CRIM1: variants seen among roughly 807,000 people sequenced by gnomAD.
CRIM1 encodes the protein cysteine rich transmembrane BMP regulator 1.
CRIM1 carries 32 observed loss-of-function variants against 116.4 expected under a neutral mutation model. The ratio of observed to expected loss-of-function variants is 0.27; its 90% CI spans 0.21 to 0.37. The LOEUF (loss-of-function observed/expected upper bound fraction) is 0.37, where lower values mean the gene tolerates loss of function less well. CRIM1 is among the 10% of genes least tolerant of loss of function. The pLI is 1.00. For missense variants in CRIM1, 1,331 were observed against 1,354.8 expected, an observed-to-expected ratio of 0.98 and a Z score of 0.28; for synonymous variants, 590 against 509.2, an observed-to-expected ratio of 1.16 and a Z score of -2.13.
chr2:36,373,554 A>G (rs1278405095), intron 1 of CRIM1, among the ~76,000 whole-genome samples: 1 of 152,166 alleles, frequency 6.6e-6, no homozygotes. Flanking sequence ...AAAAGGTCAC[A>G]TTTGTTTGTG....
At chr2:36,434,252 A>G (rs900583204) in intron 2 of CRIM1, among the ~76,000 whole-genome samples, 11 of 152,244 alleles carry the variant, frequency 7.2e-5, no homozygotes, top group African/African-American at 2.4e-4. Flanking sequence ...CTCTAAGGCC[A>G]AGGAACAAGT....
At chr2:36,539,752 A>G (rs1344525615) in intron 14 of CRIM1, among the ~76,000 whole-genome samples, 3 of 152,176 alleles carry the variant, frequency 2.0e-5, no homozygotes, top group African/African-American at 7.2e-5. Context: ...GTGGAAGAGG[A>G]GCCAAGGATG....
At chr2:36,378,255 G>A in intron 1 of CRIM1, 1 of 468,850 alleles carries the variant, frequency 2.1e-6, no homozygotes, top group South Asian at 1.6e-5. Flanking sequence ...GTAATTGATG[G>A]GATATTTTTC....
rs575486343 is a variant in CRIM1 at position 36,472,980 on chromosome 2, G to A, written c.992-3909G>A. On this transcript the variant is annotated intron_variant, in intron 5 of 16. Transcript: ENST00000280527. ...GTATCCATGTAGCACTAAGGAAGGAGTTTAAACATTCACATGTAGTACGTG... is the reference window on the plus strand; with the variant it reads ...GTATCCATGTAGCACTAAGGAAGGAATTTAAACATTCACATGTAGTACGTG... 7.9e-5 allele frequency among the ~76,000 whole-genome samples: 12 copies of A among 152,272 alleles called. No individual in the cohort carries two copies. In the South Asian group the frequency reaches 2.5e-3, roughly 32 times the overall value.
At chr2:36,418,368 A>G (rs899837689) in intron 2 of CRIM1, among the ~76,000 whole-genome samples, 4 of 152,070 alleles carry the variant, frequency 2.6e-5, no homozygotes, top group African/African-American at 9.7e-5. Context: ...CAGTGGTGCA[A>G]TTATGGTTCA....
At position 36,356,325 on chromosome 2, in the gene CRIM1, C is replaced by G. The variant is rs1443141905; in HGVS notation, c.33C>G (p.Ala11=). The change falls in exon 1 of 17, where the codon GCC becomes GCG. Residue 11 remains alanine (A), a synonymous_variant. Transcript: ENST00000280527. The surrounding 1 kb of genome is among the most constrained non-coding windows in gnomAD (Gnocchi z 4.3). ...TGGTGGCGGGGGACAGGGGGTTGGCCGGCTGCGGGCACCTCCTGGTCTCGC... is the reference window on the plus strand; with the variant it reads ...TGGTGGCGGGGGACAGGGGGTTGGCGGGCTGCGGGCACCTCCTGGTCTCGC... MYLVAGDRGL[A]GCGHLLVSLL... is the part of the protein sequence containing the mutation. 1.3e-6 allele frequency: 2 copies of G among 1,576,086 alleles called. No individual in the cohort carries two copies. The highest frequency in any genetic ancestry group is 2.3e-5 in the South Asian group (2 of 85,932).
At chr2:36,520,998 G>A (rs1665351543) in intron 12 of CRIM1, among the ~76,000 whole-genome samples, 1 of 152,226 alleles carries the variant, frequency 6.6e-6, no homozygotes, top group African/African-American at 2.4e-5. Context: ...TGTCGTGGCT[G>A]TGTCTAGACT....
intron 13 of CRIM1, among the ~76,000 whole-genome samples, chr2:36,534,730 A>C (rs1342162811): frequency 6.6e-6 from 1 of 150,506 alleles, no homozygotes. Flanking sequence ...GAAAAGGAAG[A>C]TGGAAGGAAG....
intron 8 of CRIM1, among the ~76,000 whole-genome samples, chr2:36,506,965 T>C (rs1357821689): frequency 6.6e-6 from 1 of 152,022 alleles, no homozygotes; most frequent in Non-Finnish European, 1.5e-5. Flanking sequence ...GTTCAAGTAA[T>C]CCTCTTGCCT....
intron 4 of CRIM1, among the ~76,000 whole-genome samples, chr2:36,444,788 G>C (rs762935249): frequency 6.6e-6 from 1 of 152,140 alleles, no homozygotes; most frequent in East Asian, 1.9e-4. Flanking sequence ...CACGAGTCCT[G>C]TGCCTTTGCA....
In CRIM1 at chr2:36,356,229, A is replaced by G. The variant is rs996779162; in HGVS notation, c.-64A>G. The G allele has an allele frequency of 1.1e-6, 1 of 912,040 alleles. No individual in the cohort carries two copies. The highest frequency in any genetic ancestry group is 4.3e-5 in the Admixed American group (1 of 23,328). The allele number at this position is 912,040 out of a possible 1,614,324, so 56.5% of individuals were successfully genotyped here. The stretch of plus-strand genomic sequence containing the variant: ...CGGCGGCGGCGCGTGTGCCCCGCGC[A>G]GGGGAGGGCGCCCGCCCCGCTCCCG... On this transcript the variant is annotated 5_prime_UTR_variant, in exon 1 of 17. Transcript: ENST00000280527. This position sits in a 1 kb window ranked among gnomAD's most constrained non-coding sequence, Gnocchi z 4.3.
At chr2:36,527,513 ATCT>A (rs1665833979) in intron 13 of CRIM1, among the ~76,000 whole-genome samples, 1 of 151,910 alleles carries the variant, frequency 6.6e-6, no homozygotes, top group South Asian at 2.1e-4. Flanking sequence ...CTGTATAGTG[ATCT>A]TCTCCATAGT....
intron 1 of CRIM1, among the ~76,000 whole-genome samples, chr2:36,389,816 A>AG (rs912950433): frequency 1.3e-5 from 2 of 152,266 alleles, no homozygotes; most frequent in Non-Finnish European, 2.9e-5. Context: ...GCAGATGGAA[A>AG]GATATGTTGA....
intron 2 of CRIM1, among the ~76,000 whole-genome samples, chr2:36,433,312 T>C (rs902035814): frequency 1.8e-4 from 27 of 152,336 alleles, no homozygotes; most frequent in Admixed American, 1.7e-3. Flanking sequence ...AGCATCATTA[T>C]GAATGCAATT....
intron 7 of CRIM1, among the ~76,000 whole-genome samples, chr2:36,483,236 G>A (rs371576924): frequency 1.3e-5 from 2 of 152,038 alleles, no homozygotes; most frequent in East Asian, 1.9e-4. Flanking sequence ...GTGTGGAATA[G>A]CATATAAAGT....
At chr2:36,421,311 G>T (rs1386231648) in intron 2 of CRIM1, among the ~76,000 whole-genome samples, 2 of 152,104 alleles carry the variant, frequency 1.3e-5, no homozygotes, top group South Asian at 4.1e-4. Flanking sequence ...GAAACAAAAG[G>T]CTTTGGATAC....
intron 2 of CRIM1, among the ~76,000 whole-genome samples, chr2:36,427,512 C>T (rs1674550003): frequency 6.6e-6 from 1 of 152,312 alleles, no homozygotes; most frequent in East Asian, 1.9e-4. Flanking sequence ...GGAGCCGTAA[C>T]AAGCCAAGGC....
chr2:36,482,167 G>C (rs1022949723), intron 7 of CRIM1, among the ~76,000 whole-genome samples: 1 of 152,086 alleles, frequency 6.6e-6, no homozygotes, highest in African/African-American at 2.4e-5. Context: ...CTCTGGCTCT[G>C]ATCTCTCATC....
chr2:36,439,765 T>A (rs1675641922), intron 2 of CRIM1, among the ~76,000 whole-genome samples: 1 of 152,194 alleles, frequency 6.6e-6, no homozygotes, highest in South Asian at 2.1e-4. Flanking sequence ...AATTCCCTCT[T>A]ACTCTGTTCT....
Sources: gnomAD v4.1 joint callset for allele counts (sites outside exome capture counted in the v4.1 genomes callset) on GRCh38, gnomAD v4.1.1 for gene constraint, Gnocchi (gnomAD v3.1) non-coding constraint, MANE v1.5 for transcripts, NCBI Gene and HGNC (gene_info 2026-07-23, HGNC 2026-07-21) for gene names.